The following MGAT4C variants were observed in gnomAD, a reference collection of about 807,000 sequenced individuals.
MGAT4C encodes alpha-1,3-mannosyl-glycoprotein 4-beta-N-acetylglucosaminyltransferase C.
Under a neutral mutation model 40.1 loss-of-function variants are expected in MGAT4C, and 19 were observed. The observed-to-expected ratio is 0.47, with a 90% CI of 0.33 to 0.70. MGAT4C has a LOEUF of 0.70. Ranked by LOEUF, MGAT4C falls within the 30% of genes least tolerant of loss-of-function variation. The pLI is 0.02. For missense variants in MGAT4C, 491 were observed against 563.2 expected (o/e 0.87, Z 1.30); for synonymous variants, 181 against 187.1 (o/e 0.97, Z 0.27).
chr12:86,172,949 T>C (rs2135837350), intron 1 of MGAT4C, among the ~76,000 whole-genome samples: 1 of 152,222 alleles, frequency 6.6e-6, no homozygotes, highest in South Asian at 2.1e-4. Context: ...TATAGAGTCA[T>C]TACATTTTAA....
chr12:86,458,250 T>G (rs1039806230), intron 2 of MGAT4C, among the ~76,000 whole-genome samples: 1 of 152,186 alleles, frequency 6.6e-6, no homozygotes, highest in Non-Finnish European at 1.5e-5. Flanking sequence ...TTAAAAATTT[T>G]TATGTTGTTC....
chr12:86,181,921 A>G (rs1454840954), intron 1 of MGAT4C, among the ~76,000 whole-genome samples: 1 of 152,038 alleles, frequency 6.6e-6, no homozygotes, highest in African/African-American at 2.4e-5. Flanking sequence ...TATATCAGTT[A>G]TATTCTCATA....
intron 3 of MGAT4C, among the ~76,000 whole-genome samples, chr12:86,421,867 A>G (rs1210732457): frequency 6.6e-6 from 1 of 152,246 alleles, no homozygotes; most frequent in Non-Finnish European, 1.5e-5. Flanking sequence ...TATATCTGGT[A>G]TATGATCAAG....
At chr12:86,709,801 C>T (rs1039462561) in intron 2 of MGAT4C, among the ~76,000 whole-genome samples, 3 of 152,136 alleles carry the variant, frequency 2.0e-5, no homozygotes, top group African/African-American at 7.2e-5. Context: ...TATAATCACC[C>T]TGAAGAGATA....
At chr12:86,791,437 T>TA (rs199734065) in intron 1 of MGAT4C, among the ~76,000 whole-genome samples, 1 of 144,980 alleles carries the variant, frequency 6.9e-6, no homozygotes, top group African/African-American at 2.5e-5. Flanking sequence ...AACTGTTTTT[T>TA]TTTTTTTTTT....
chr12:86,266,776 G>A (rs926378546), intron 4 of MGAT4C, among the ~76,000 whole-genome samples: 1 of 151,620 alleles, frequency 6.6e-6, no homozygotes, highest in Non-Finnish European at 1.5e-5. Context: ...GATTTTCTTT[G>A]TTGAAAGATT....
intron 2 of MGAT4C, among the ~76,000 whole-genome samples, chr12:86,652,649 A>G (rs1459478526): frequency 6.6e-6 from 1 of 151,972 alleles, no homozygotes; most frequent in Non-Finnish European, 1.5e-5. Context: ...TGACAATGAC[A>G]GCTTAAACAA....
chr12:86,470,480 C>A (rs555800422), intron 2 of MGAT4C, among the ~76,000 whole-genome samples: 18 of 152,110 alleles, frequency 1.2e-4, no homozygotes, highest in African/African-American at 4.3e-4. Context: ...CAAATGTGAG[C>A]CTATCATTCA....
intron 1 of MGAT4C, among the ~76,000 whole-genome samples, chr12:86,814,595 G>C (rs181022625): frequency 1.3e-5 from 2 of 151,736 alleles, no homozygotes; most frequent in Admixed American, 1.3e-4. Flanking sequence ...AGATTACTTA[G>C]ATGTTTTCTG....
chr12:86,579,585 C>T (rs1960700683), intron 2 of MGAT4C, among the ~76,000 whole-genome samples: 1 of 151,504 alleles, frequency 6.6e-6, no homozygotes, highest in Admixed American at 6.6e-5. Context: ...GAGTTGTTTA[C>T]ACACCATAGT....
At chr12:86,379,793 T>A (rs1424294957) in intron 3 of MGAT4C, among the ~76,000 whole-genome samples, 1 of 152,158 alleles carries the variant, frequency 6.6e-6, no homozygotes, top group Non-Finnish European at 1.5e-5. Context: ...TCTGCTCTTT[T>A]ATCTTTTTCC....
rs4277182 is a variant in MGAT4C at position 86,120,537 on chromosome 12, G to C, written c.-56-70814C>G. Among the ~76,000 whole-genome samples, 1,434 of 152,260 alleles carry C rather than the reference G, an allele frequency of 9.4e-3. 17 individuals are homozygous for C. Among genetic ancestry groups the C allele is most frequent in the Non-Finnish European group, 0.014 (969 of 68,010 alleles). Reference sequence around the variant, plus strand: ...ATACAGCCAGGTGCCCCTCTGAGACGAAGCTTCCAGAGGAAGAATCAGGCA... The same window carrying C: ...ATACAGCCAGGTGCCCCTCTGAGACCAAGCTTCCAGAGGAAGAATCAGGCA... On this transcript the variant is annotated intron_variant, in intron 1 of 4. Transcript: ENST00000611864.
intron 2 of MGAT4C, among the ~76,000 whole-genome samples, chr12:86,722,783 C>T (rs539322866): frequency 6.6e-6 from 1 of 152,308 alleles, no homozygotes; most frequent in African/African-American, 2.4e-5. Context: ...TTTATTCACA[C>T]ACCTCAAAAA....
intron 1 of MGAT4C, among the ~76,000 whole-genome samples, chr12:86,812,012 T>G (rs933005303): frequency 6.6e-6 from 1 of 152,262 alleles, no homozygotes; most frequent in Admixed American, 6.5e-5. Context: ...ATGCTCCATA[T>G]GTATTTTCAT....
rs1001385384 is a variant in MGAT4C, at chr12:86,837,959, G to C, written c.-262+707C>G. Among the ~76,000 whole-genome samples, 16 of 152,076 alleles carry C rather than the reference G, an allele frequency of 1.1e-4. 1 individual carries two copies. Among genetic ancestry groups the C allele is most frequent in the African/African-American group, 3.9e-4 (16 of 41,420 alleles). On this transcript the variant is annotated intron_variant, in intron 1 of 7. Transcript: ENST00000548651. ...ATATTCAGAAGTTTTTCAGTTTTTA[G>C]CATTTTGCTTTGCTAAACATTTCTT...
At chr12:86,756,329 C>T (rs371969812) in intron 1 of MGAT4C, among the ~76,000 whole-genome samples, 11 of 152,110 alleles carry the variant, frequency 7.2e-5, no homozygotes, top group Middle Eastern at 3.4e-3. Flanking sequence ...ATGTGAGTCC[C>T]GCCTACACAA....
intron 4 of MGAT4C, among the ~76,000 whole-genome samples, chr12:86,291,222 C>CTTA (rs1953504928): frequency 3.3e-5 from 5 of 152,114 alleles, no homozygotes; most frequent in Admixed American, 3.3e-4. Context: ...AAATAGTTTG[C>CTTA]CAAGTTCTTA....
chr12:86,627,565 G>C (rs1319825366), intron 2 of MGAT4C, among the ~76,000 whole-genome samples: 2 of 152,184 alleles, frequency 1.3e-5, no homozygotes, highest in Non-Finnish European at 2.9e-5. Flanking sequence ...AATATTTGCT[G>C]TTCTGCAGCC....
At chr12:86,759,159 TATTTA>T (rs930516889) in intron 1 of MGAT4C, among the ~76,000 whole-genome samples, 6 of 152,132 alleles carry the variant, frequency 3.9e-5, no homozygotes, top group African/African-American at 1.2e-4. Context: ...GTGCCTAGCT[TATTTA>T]ATTTAACATA....
Sources: gnomAD v4.1 joint callset for allele counts (sites outside exome capture counted in the v4.1 genomes callset) on GRCh38, gnomAD v4.1.1 for gene constraint, MANE v1.5 for transcripts, NCBI Gene and HGNC (gene_info 2026-07-23, HGNC 2026-07-21) for gene names.